The following LPAR1 variants were observed in gnomAD, a reference collection of about 807,000 sequenced individuals.
LPAR1 encodes LPA receptor 1.
LPAR1 carries 5 observed loss-of-function variants against 23.8 expected under a neutral mutation model. The observed-to-expected ratio is 0.21, with a 90% CI of 0.11 to 0.44. The LOEUF (loss-of-function observed/expected upper bound fraction) is 0.44. Ranked by LOEUF, LPAR1 falls within the 20% of genes least tolerant of loss-of-function variation. LPAR1 has a pLI of 0.99. For synonymous variants in LPAR1, 160 were observed against 164.7 expected, an observed-to-expected ratio of 0.97 and a Z score of 0.22; for missense variants, 311 against 482.8, an observed-to-expected ratio of 0.64 and a Z score of 3.33.
chr9:110,984,613 A>G (rs899864733), intron 2 of LPAR1, among the ~76,000 whole-genome samples: 1 of 152,072 alleles, frequency 6.6e-6, no homozygotes, highest in African/African-American at 2.4e-5. Context: ...TTGCTGGATC[A>G]TATGGTATAA....
At chr9:110,907,874 TCTAA>T (rs1284477632) in intron 5 of LPAR1, among the ~76,000 whole-genome samples, 1 of 151,406 alleles carries the variant, frequency 6.6e-6, no homozygotes, top group Non-Finnish European at 1.5e-5. Context: ...GTTTAATTGT[TCTAA>T]CTTTCACATC....
chr9:111,021,220 G>A (rs1303133346), intron 2 of LPAR1, among the ~76,000 whole-genome samples: 1 of 152,142 alleles, frequency 6.6e-6, no homozygotes, highest in Non-Finnish European at 1.5e-5. Flanking sequence ...ACAGCATGGT[G>A]ACGATACTTA....
chr9:110,953,069 G>A (rs1346558500), intron 4 of LPAR1, among the ~76,000 whole-genome samples: 1 of 152,132 alleles, frequency 6.6e-6, no homozygotes, highest in African/African-American at 2.4e-5. Flanking sequence ...AACACAGTAT[G>A]GACCACCTGG....
intron 5 of LPAR1, among the ~76,000 whole-genome samples, chr9:110,881,780 A>G (rs905221380): frequency 7.9e-5 from 12 of 152,190 alleles, no homozygotes; most frequent in Admixed American, 7.9e-4. Context: ...TCCAGCTTGT[A>G]CAAAACAAGC....
intron 2 of LPAR1, among the ~76,000 whole-genome samples, chr9:111,009,305 T>G (rs1402483064): frequency 6.6e-6 from 1 of 151,954 alleles, no homozygotes; most frequent in Non-Finnish European, 1.5e-5. Context: ...GGACCATCAC[T>G]ACAAACGAAT....
intron 5 of LPAR1, among the ~76,000 whole-genome samples, chr9:110,920,059 TCAAAACACAGC>T (rs1167151626): frequency 4.6e-5 from 7 of 152,104 alleles, no homozygotes; most frequent in Admixed American, 2.6e-4. Context: ...AGCACTGAGA[TCAAAACACAGC>T]CAAAGGCCAG....
intron 2 of LPAR1, among the ~76,000 whole-genome samples, chr9:111,018,654 TTC>T (rs2097502468): frequency 6.6e-6 from 1 of 152,232 alleles, no homozygotes. Context: ...TTTTTCCTTC[TTC>T]TTCTTTATAT....
At chr9:110,978,813 T>G (rs1378865701) in intron 2 of LPAR1, among the ~76,000 whole-genome samples, 1 of 152,190 alleles carries the variant, frequency 6.6e-6, no homozygotes, top group Non-Finnish European at 1.5e-5. Context: ...TATATTGCAC[T>G]TATTCAAACA....
intron 5 of LPAR1, among the ~76,000 whole-genome samples, chr9:110,913,535 A>G (rs1394370240): frequency 6.7e-6 from 1 of 148,768 alleles, no homozygotes; most frequent in Admixed American, 6.9e-5. Context: ...ACACATGTGT[A>G]TCAAGTTCAT....
chr9:111,022,082 G>C (rs2097571383), intron 2 of LPAR1, among the ~76,000 whole-genome samples: 1 of 151,732 alleles, frequency 6.6e-6, no homozygotes, highest in Non-Finnish European at 1.5e-5. Context: ...AGTGCCACCT[G>C]AGCCTGACCC....
chr9:111,010,152 T>C (rs1441355835), intron 2 of LPAR1, among the ~76,000 whole-genome samples: 1 of 151,776 alleles, frequency 6.6e-6, no homozygotes, highest in East Asian at 1.9e-4. Context: ...TATATATTTA[T>C]ATACAATGTT....
intron 2 of LPAR1, among the ~76,000 whole-genome samples, chr9:111,013,702 C>T (rs1018954445): frequency 6.6e-6 from 1 of 152,074 alleles, no homozygotes; most frequent in African/African-American, 2.4e-5. Flanking sequence ...AAAGGGTGAT[C>T]AGGGAGCCGT....
At position 110,995,520 on chromosome 9, in the gene LPAR1, C is replaced by T. The variant is rs547889739; in HGVS notation, c.-181-21962G>A. 2.4e-4 allele frequency among the ~76,000 whole-genome samples: 36 copies of T among 152,218 alleles called. No individual in the cohort carries two copies. The South Asian group carries it at 7.5e-3, about 32-fold the overall frequency. ...TCATTGAAAACCCTCTTGGCAATAC[C>T]TCTCTAAAACAGTAAATATAGAGGG... On this transcript the variant is annotated intron_variant, in intron 2 of 5. Coordinates refer to ENST00000683809, the MANE Select transcript of LPAR1 (RefSeq NM_001351411.2).
intron 2 of LPAR1, among the ~76,000 whole-genome samples, chr9:111,022,145 A>G (rs1007978568): frequency 6.6e-6 from 1 of 152,112 alleles, no homozygotes; most frequent in African/African-American, 2.4e-5. Context: ...GTTTGGCCTG[A>G]GCTTGTTGGA....
intron 5 of LPAR1, among the ~76,000 whole-genome samples, chr9:110,894,243 T>C (rs1426337142): frequency 6.6e-6 from 1 of 152,218 alleles, no homozygotes; most frequent in African/African-American, 2.4e-5. Flanking sequence ...ACTTTAAAGG[T>C]ATGTATTCAT....
At chr9:110,971,728 A>ACCCCAC (rs1554716938) in intron 4 of LPAR1, among the ~76,000 whole-genome samples, 2 of 74,752 alleles carry the variant, frequency 2.7e-5, no homozygotes, top group Non-Finnish European at 2.9e-5. Flanking sequence ...ACCCCACCCC[A>ACCCCAC]CCCCCCGGCC....
At chr9:110,900,524 G>T (rs1003774194) in intron 5 of LPAR1, among the ~76,000 whole-genome samples, 1 of 152,070 alleles carries the variant, frequency 6.6e-6, no homozygotes, top group African/African-American at 2.4e-5. Context: ...CTTCTGTGCC[G>T]CAAGTACTTT....
chr9:111,033,840 G>A (rs903063916), intron 2 of LPAR1, among the ~76,000 whole-genome samples: 4 of 152,104 alleles, frequency 2.6e-5, no homozygotes, highest in African/African-American at 9.7e-5. Context: ...GGCATGAGCC[G>A]CCGTGCCCAG....
chr9:110,966,410 C>A (rs1033932612), intron 4 of LPAR1, among the ~76,000 whole-genome samples: 1 of 149,796 alleles, frequency 6.7e-6, no homozygotes, highest in Non-Finnish European at 1.5e-5. Context: ...ACTCAGGAGG[C>A]AGAGGTTGTG....
Sources: allele counts gnomAD v4.1 joint callset (sites outside exome capture counted in the v4.1 genomes callset), GRCh38; gene constraint gnomAD v4.1.1; transcripts MANE v1.5; gene names NCBI Gene and HGNC (gene_info 2026-07-23, HGNC 2026-07-21).